MBNL1: variants seen among roughly 807,000 people sequenced by gnomAD.
MBNL1 encodes muscleblind-like protein 1.
A neutral mutation model predicts 42.2 loss-of-function variants in MBNL1; 8 were observed. That is an observed-to-expected ratio of 0.19 (90% CI 0.11 to 0.34). The LOEUF is 0.34. MBNL1 is among the 10% of genes least tolerant of loss of function. The pLI is 1.00. For synonymous variants in MBNL1, 169 were observed against 173.9 expected (o/e 0.97, Z 0.22); for missense variants, 309 against 495.3 (o/e 0.62, Z 3.57).
intron 2 of MBNL1, among the ~76,000 whole-genome samples, chr3:152,370,402 A>T (rs1389657830): frequency 6.6e-6 from 1 of 152,052 alleles, no homozygotes; most frequent in African/African-American, 2.4e-5. Context: ...CTTGCTGAGG[A>T]GTGTTTTACT....
At chr3:152,299,039 T>G (rs1427162155) in intron 1 of MBNL1, 1 of 152,602 alleles carries the variant, frequency 6.6e-6, no homozygotes, top group African/African-American at 2.4e-5. Flanking sequence ...GTGGAATAAG[T>G]CACATCTGAT....
intron 2 of MBNL1, among the ~76,000 whole-genome samples, chr3:152,394,042 C>G (rs775295996): frequency 3.5e-4 from 53 of 152,084 alleles, no homozygotes; most frequent in Non-Finnish European, 6.5e-4. Flanking sequence ...TCAGTTCATC[C>G]TACATGGTTT....
At chr3:152,336,952 T>C (rs1357707629) in intron 2 of MBNL1, among the ~76,000 whole-genome samples, 1 of 152,330 alleles carries the variant, frequency 6.6e-6, no homozygotes, top group East Asian at 1.9e-4. Flanking sequence ...TCTTTACTAA[T>C]TTCAAGTATA....
chr3:152,445,454 C>T lies in MBNL1; in HGVS notation c.722C>T (p.Ala241Val). ...REKCKYFHPP[A>V]HLQAKIKAAQ... ...AAGTGCAAATACTTTCATCCCCCTG[C>T]ACATTTGCAAGCCAAGATCAAGGCT... is the stretch of plus-strand genomic sequence containing the variant. The change falls in exon 5 of 10, where the codon GCA becomes GTA. Residue 241 changes from alanine (A) to valine (V), a missense_variant. Transcript: ENST00000324210. 1 of 1,611,514 alleles carries T rather than the reference C, an allele frequency of 6.2e-7. No individual in the cohort carries two copies.
At chr3:152,268,006 G>T (rs16864116), upstream of MBNL1, 1 of 152,246 alleles carries the variant, frequency 6.6e-6, no homozygotes, top group Non-Finnish European at 1.5e-5. Flanking sequence ...CATCACAGAC[G>T]TTCAGGATTC....
intron 2 of MBNL1, chr3:152,300,830 T>C: frequency 4.4e-6 from 2 of 456,618 alleles, no homozygotes; most frequent in Non-Finnish European, 5.8e-6. Context: ...ACTCTTTTAA[T>C]ATTTTGACAT....
In MBNL1 at chr3:152,340,852, T is replaced by C. The variant is rs2092993748; in HGVS notation, c.174+40485T>C. On this transcript the variant is annotated intron_variant, in intron 2 of 9. Transcript: ENST00000324210. ...CCCACCTAAAGCAGCCAGTGCTGCATAGACAAAGCCAAGCCAGTATAAAGG... is the reference window on the plus strand; with the variant it reads ...CCCACCTAAAGCAGCCAGTGCTGCACAGACAAAGCCAAGCCAGTATAAAGG... 4 of 1,613,690 alleles carry C rather than the reference T, an allele frequency of 2.5e-6. No individual in the cohort carries two copies. In the African/African-American group the frequency reaches 5.3e-5, roughly 22 times the overall value.
At chr3:152,425,282 G>T (rs944083771) in intron 3 of MBNL1, among the ~76,000 whole-genome samples, 3 of 151,866 alleles carry the variant, frequency 2.0e-5, no homozygotes, top group Non-Finnish European at 4.4e-5. Context: ...CATTTATGTG[G>T]CCAACAAATG....
Position 152,402,266 on chromosome 3 carries a change from A to T in MBNL1, c.175-12675A>T, listed in dbSNP as rs1479964724. Among the ~76,000 whole-genome samples the T allele has an allele frequency of 2.0e-5, 3 of 152,108 alleles. No homozygotes were observed. The East Asian group carries it at 5.8e-4, about 29-fold the overall frequency. Reference sequence around the variant, plus strand: ...GCCTGGTCATTTTCCTTTTCTGAGTACCAGACCATAATTGAGGCCCCTGTA... The same window carrying T: ...GCCTGGTCATTTTCCTTTTCTGAGTTCCAGACCATAATTGAGGCCCCTGTA... On this transcript the variant is annotated intron_variant, in intron 2 of 9. Coordinates refer to ENST00000324210, the MANE Select transcript of MBNL1 (RefSeq NM_021038.5).
chr3:152,252,134 A>ACCTCCCTTCCTTCCTT (rs2034659758), intron 2 of MBNL1, among the ~76,000 whole-genome samples: 1 of 102,836 alleles, frequency 9.7e-6, no homozygotes. Context: ...AAACTAACCT[A>ACCTCCCTTCCTTCCTT]CCTTCCTTCC....
At chr3:152,432,233 C>G (rs1186023035) in intron 3 of MBNL1, among the ~76,000 whole-genome samples, 1 of 152,200 alleles carries the variant, frequency 6.6e-6, no homozygotes, top group Non-Finnish European at 1.5e-5. Context: ...CTGTGAAACT[C>G]TTTTATCCCC....
chr3:152,449,594 G>C (rs1268713277), intron 6 of MBNL1, among the ~76,000 whole-genome samples: 1 of 152,000 alleles, frequency 6.6e-6, no homozygotes, highest in Non-Finnish European at 1.5e-5. Flanking sequence ...ATAGCTTTTT[G>C]TCTGTGGATA....
intron 2 of MBNL1, among the ~76,000 whole-genome samples, chr3:152,408,198 A>G (rs1264752343): frequency 6.6e-6 from 1 of 152,188 alleles, no homozygotes; most frequent in African/African-American, 2.4e-5. Context: ...ATAGTTTAAC[A>G]TATGATTTAA....
At chr3:152,254,437 T>C (rs2035152799) in intron 2 of MBNL1, among the ~76,000 whole-genome samples, 1 of 152,074 alleles carries the variant, frequency 6.6e-6, no homozygotes, top group Non-Finnish European at 1.5e-5. Context: ...CCACTCTTCC[T>C]TGACAGTTAG....
At chr3:152,265,866 AAC>A (rs1355742366), upstream of MBNL1, 2 of 152,226 alleles carry the variant, frequency 1.3e-5, no homozygotes, top group Non-Finnish European at 1.5e-5. Context: ...AAATAGGAGA[AAC>A]CATAATGTTC....
chr3:152,395,381 T>C (rs2097887467), intron 2 of MBNL1, among the ~76,000 whole-genome samples: 1 of 152,228 alleles, frequency 6.6e-6, no homozygotes, highest in African/African-American at 2.4e-5. Flanking sequence ...TGTTGCGCTG[T>C]TTATCAAATG....
At chr3:152,330,588 GA>G (rs1342777529) in intron 2 of MBNL1, among the ~76,000 whole-genome samples, 1 of 152,138 alleles carries the variant, frequency 6.6e-6, no homozygotes, top group East Asian at 1.9e-4. Flanking sequence ...GTGTGTCACT[GA>G]ATTCATGGAA....
In MBNL1 at chr3:152,407,377, A is replaced by G. The variant is rs117428525; in HGVS notation, c.175-7564A>G. Among the ~76,000 whole-genome samples, 120 of 152,182 alleles carry G rather than the reference A, an allele frequency of 7.9e-4. No homozygotes were observed. In the East Asian group the frequency reaches 0.022, roughly 28 times the overall value. On this transcript the variant is annotated intron_variant, in intron 2 of 9. Coordinates refer to ENST00000324210, the MANE Select transcript of MBNL1 (RefSeq NM_021038.5). ...GCTTTAAATATTGATTAGGATTGCT[A>G]TATCTACCTTAATTTAGAAGACTAG...
At position 152,414,996 on chromosome 3, in the gene MBNL1, C is replaced by T. The variant is rs1180439470; in HGVS notation, c.230C>T (p.Thr77Met). The change falls in exon 3 of 10, where the codon ACG (threonine) becomes ATG (methionine). Residue 77 changes from threonine (T) to methionine (M), a missense_variant. Coordinates refer to ENST00000324210, the MANE Select transcript of MBNL1 (RefSeq NM_021038.5). ...CTTCATCCACCCCCACATTTAAAAA[C>T]GCAGTTGGAGATAAATGGACGCAAT... ...KYLHPPPHLK[T>M]QLEINGRNNL... 2.5e-6 allele frequency: 4 copies of T among 1,608,446 alleles called. No individual in the cohort carries two copies. Among genetic ancestry groups the T allele is most frequent in the South Asian group, 1.1e-5 (1 of 90,076 alleles).
Sources: gnomAD v4.1 joint callset for allele counts (sites outside exome capture counted in the v4.1 genomes callset) on GRCh38, gnomAD v4.1.1 for gene constraint, MANE v1.5 for transcripts, NCBI Gene and HGNC (gene_info 2026-07-23, HGNC 2026-07-21) for gene names.